Variants in SHQ1 observed in about 807,000 individuals in gnomAD.
SHQ1 encodes the protein SHQ1, H/ACA ribonucleoprotein assembly factor.
A neutral mutation model predicts 53.8 loss-of-function variants in SHQ1; 49 were observed. The observed-to-expected ratio is 0.91, with a 90% CI of 0.72 to 1.16. SHQ1 has a LOEUF of 1.16. SHQ1 is among the 50% of genes most tolerant of loss of function. SHQ1 has a pLI of 0.00. For missense variants in SHQ1, 738 were observed against 683.1 expected, an observed-to-expected ratio of 1.08 and a Z score of -0.90; for synonymous variants, 243 against 251.0, an observed-to-expected ratio of 0.97 and a Z score of 0.30.
intron 9 of SHQ1, among the ~76,000 whole-genome samples, chr3:72,810,412 T>C (rs184370708): frequency 4.6e-5 from 7 of 152,348 alleles, no homozygotes; most frequent in Admixed American, 3.9e-4. Flanking sequence ...TTCCTGGCTC[T>C]TTGAAAACTC....
At chr3:72,827,545 C>G (rs1254271903) in intron 5 of SHQ1, among the ~76,000 whole-genome samples, 2 of 151,960 alleles carry the variant, frequency 1.3e-5, no homozygotes, top group Non-Finnish European at 2.9e-5. Flanking sequence ...CCCTCCCCAC[C>G]AAAAACACCT....
At chr3:72,815,047 C>CT (rs1707267035) in intron 8 of SHQ1, among the ~76,000 whole-genome samples, 1 of 152,074 alleles carries the variant, frequency 6.6e-6, no homozygotes, top group Admixed American at 6.6e-5. Context: ...GCTTCCATCT[C>CT]TGAGTTTCAA....
intron 10 of SHQ1, among the ~76,000 whole-genome samples, chr3:72,790,217 G>A (rs926775784): frequency 2.0e-5 from 3 of 152,148 alleles, no homozygotes; most frequent in Admixed American, 6.5e-5. Context: ...AGATATCATA[G>A]GGAAAAATAA....
At chr3:72,838,125 T>C (rs1303386744) in intron 4 of SHQ1, among the ~76,000 whole-genome samples, 1 of 152,212 alleles carries the variant, frequency 6.6e-6, no homozygotes, top group East Asian at 1.9e-4. Flanking sequence ...AGCGCCCATA[T>C]CCAAACACTA....
intron 9 of SHQ1, among the ~76,000 whole-genome samples, chr3:72,802,858 G>A (rs972299064): frequency 6.6e-6 from 1 of 152,168 alleles, no homozygotes; most frequent in Non-Finnish European, 1.5e-5. Flanking sequence ...GCTGACAAGA[G>A]TAACAATACA....
chr3:72,819,255 G>T lies in SHQ1; in HGVS notation c.728-1871C>A, dbSNP rs1418674496. ...AGGCAATCTGGATTTGCACTCTTAT[G>T]AGTGACCCATTCGAATGTGTTTTGT... On this transcript the variant is annotated intron_variant, in intron 6 of 10. Transcript: ENST00000325599. Among the ~76,000 whole-genome samples the T allele has an allele frequency of 3.3e-5, 5 of 152,294 alleles. No homozygotes were observed. In the Middle Eastern group the frequency reaches 0.01, roughly 311 times the overall value.
chr3:72,764,852 T>C (rs1015211153), intron 10 of SHQ1, among the ~76,000 whole-genome samples: 2 of 152,194 alleles, frequency 1.3e-5, no homozygotes, highest in Non-Finnish European at 2.9e-5. Context: ...CTCTCAATAT[T>C]GTGGATTCTT....
chr3:72,821,806 T>C (rs1040128375), intron 6 of SHQ1, among the ~76,000 whole-genome samples: 1 of 152,228 alleles, frequency 6.6e-6, no homozygotes, highest in Admixed American at 6.5e-5. Context: ...TCTTGGTTTA[T>C]TTCTTTTCCC....
At chr3:72,792,802 A>C (rs905392351) in intron 10 of SHQ1, 114 bp downstream of exon 10, 12 of 753,350 alleles carry the variant, frequency 1.6e-5, no homozygotes, top group South Asian at 7.9e-5. Context: ...AAAAAAAAAA[A>C]AAAAAAAAAC....
intron 8 of SHQ1, among the ~76,000 whole-genome samples, chr3:72,813,830 CTTT>C (rs931930903): frequency 5.5e-5 from 6 of 108,196 alleles, no homozygotes; most frequent in Non-Finnish European, 1.1e-4. Flanking sequence ...TCCTCTTTTT[CTTT>C]TTTTTTTTTT....
intron 7 of SHQ1, among the ~76,000 whole-genome samples, chr3:72,816,362 C>T (rs993542442): frequency 5.9e-5 from 9 of 152,050 alleles, no homozygotes; most frequent in African/African-American, 1.2e-4. Context: ...TACAGGAAAT[C>T]TTAATTATTT....
chr3:72,793,021 A>T lies in SHQ1; in HGVS notation c.1076T>A (p.Leu359Ter), dbSNP rs1706489728. ...TTTGTGAATATCCAGGAGACACTTT[A>T]AAACTGCACTTTTACCTAAAGAAAA... is the stretch of plus-strand genomic sequence containing the variant. ...KILQLGKSAV[L>*]KCLLDIHKIF... is the part of the protein sequence containing the mutation. Residue 359 changes from leucine to a stop codon, truncating the protein, a stop_gained, in exon 10 of 11, where the codon TTA becomes TAA. Coordinates refer to ENST00000325599, the MANE Select transcript of SHQ1 (RefSeq NM_018130.3). LOFTEE classifies it high-confidence loss of function. The T allele has an allele frequency of 6.2e-7, 1 of 1,606,298 alleles. No homozygotes were observed. Among genetic ancestry groups the T allele is most frequent in the South Asian group, 1.1e-5 (1 of 89,128 alleles).
rs540295895 is a variant in SHQ1, at chr3:72,779,186, C to G, written c.1181+13730G>C. Among the ~76,000 whole-genome samples, 10 of 152,266 alleles carry G rather than the reference C, an allele frequency of 6.6e-5. No individual in the cohort carries two copies. In the South Asian group the frequency reaches 1.0e-3, roughly 16 times the overall value. ...AATCATCAGCCTTTTCTTGACCCCT[C>G]CCCCAACACATATACCCTTTCTCTA... On this transcript the variant is annotated intron_variant, in intron 10 of 10. Coordinates refer to ENST00000325599, the MANE Select transcript of SHQ1 (RefSeq NM_018130.3).
At chr3:72,823,312 A>T (rs1426139869) in intron 6 of SHQ1, among the ~76,000 whole-genome samples, 1 of 152,184 alleles carries the variant, frequency 6.6e-6, no homozygotes, top group Non-Finnish European at 1.5e-5. Context: ...ATATTTATAG[A>T]TATTTACTGA....
chr3:72,741,147 T>C, the SHQ1 span, among the ~76,000 whole-genome samples: 1 of 152,174 alleles, frequency 6.6e-6, no homozygotes, highest in South Asian at 2.1e-4. Flanking sequence ...CAAGAACCCC[T>C]GGATTAGTAG....
intron 9 of SHQ1, among the ~76,000 whole-genome samples, chr3:72,799,460 A>C (rs1427691295): frequency 6.6e-6 from 1 of 152,208 alleles, no homozygotes; most frequent in Non-Finnish European, 1.5e-5. Context: ...AAATTAATCT[A>C]AATTAAGAGA....
chr3:72,768,314 T>C (rs768597752), intron 10 of SHQ1, among the ~76,000 whole-genome samples: 1 of 152,178 alleles, frequency 6.6e-6, no homozygotes, highest in African/African-American at 2.4e-5. Flanking sequence ...CTTTCTTCTT[T>C]CCTAGTGCTC....
At chr3:72,768,303 ACTTT>A (rs1303353374) in intron 10 of SHQ1, among the ~76,000 whole-genome samples, 4 of 152,286 alleles carry the variant, frequency 2.6e-5, no homozygotes, top group Admixed American at 2.6e-4. Context: ...AGGCAGTTTG[ACTTT>A]CTTCTTTCCT....
At chr3:72,738,682 C>G in the SHQ1 span, among the ~76,000 whole-genome samples, 4 of 152,226 alleles carry the variant, frequency 2.6e-5, no homozygotes, top group African/African-American at 9.7e-5. Context: ...CTCCCAGCAG[C>G]TTCCAGACCG....
Sources: allele counts gnomAD v4.1 joint callset (sites outside exome capture counted in the v4.1 genomes callset), GRCh38; gene constraint gnomAD v4.1.1; transcripts MANE v1.5; gene names NCBI Gene and HGNC (gene_info 2026-07-23, HGNC 2026-07-21).